The following ASIC2 variants were observed in gnomAD, a reference collection of about 807,000 sequenced individuals.
ASIC2 encodes the protein acid-sensing ion channel 2.
A neutral mutation model predicts 57.3 loss-of-function variants in ASIC2; 25 were observed. The observed-to-expected ratio is 0.44, with a 90% CI of 0.32 to 0.61. The LOEUF (loss-of-function observed/expected upper bound fraction) is 0.61. Among genes scored for constraint, ASIC2 ranks in the 20% least tolerant of loss-of-function variants. The pLI is 0.06. For synonymous variants in ASIC2, 319 were observed against 307.5 expected (o/e 1.04, Z -0.39); for missense variants, 641 against 738.1 (o/e 0.87, Z 1.52).
chr17:33,023,964 T>A lies in ASIC2; in HGVS notation c.1246A>T (p.Asn416Tyr). ...SNYCLCRTPC[N>Y]LTRYNKELSM... ...AGCTCTTTGTTGTAGCGGGTTAGGT[T>A]GCAGGGTGTCCTGCAGAGACAGTAA... Residue 416 changes from asparagine (N) to tyrosine (Y), a missense_variant, in exon 6 of 10, where the codon AAC (asparagine) becomes TAC (tyrosine). This residue lies in a region of ASIC2 where 252 missense variants were observed against 319.8 expected (regional missense o/e 0.79). Transcript: ENST00000225823. The A allele has an allele frequency of 6.2e-7, 1 of 1,614,256 alleles. No individual in the cohort carries two copies. Among genetic ancestry groups the A allele is most frequent in the Non-Finnish European group, 8.5e-7 (1 of 1,180,040 alleles).
intron 1 of ASIC2, chr17:33,827,968 T>G (rs992661972): frequency 2.6e-5 from 4 of 152,198 alleles, no homozygotes; most frequent in African/African-American, 9.7e-5. Context: ...AGTGAGATCA[T>G]GCAGTATTTG....
At chr17:33,976,937 G>T (rs561424920) in intron 1 of ASIC2, among the ~76,000 whole-genome samples, 1 of 152,064 alleles carries the variant, frequency 6.6e-6, no homozygotes, top group African/African-American at 2.4e-5. Flanking sequence ...TTTCCTGTGC[G>T]TCTGCTTGTC....
At position 34,138,696 on chromosome 17, in the gene ASIC2, T is replaced by C. The variant is rs192044801; in HGVS notation, c.555+17282A>G. Among the ~76,000 whole-genome samples the C allele has an allele frequency of 7.9e-5, 12 of 152,268 alleles. No individual in the cohort carries two copies. In the East Asian group the frequency reaches 1.7e-3, roughly 22 times the overall value. ...AGCAATAAAGAGTCCCACCATGGGATATCACGGGATCCAGAGGAGTCTAGT... is the reference window on the plus strand; with the variant it reads ...AGCAATAAAGAGTCCCACCATGGGACATCACGGGATCCAGAGGAGTCTAGT... On this transcript the variant is annotated intron_variant, in intron 1 of 9. Coordinates refer to the ASIC2 transcript ENST00000359872.
intron 1 of ASIC2, among the ~76,000 whole-genome samples, chr17:34,082,431 A>T (rs1909920437): frequency 6.6e-6 from 1 of 152,194 alleles, no homozygotes; most frequent in African/African-American, 2.4e-5. Context: ...AGTAAAATAA[A>T]AGTTACAAAG....
intron 1 of ASIC2, among the ~76,000 whole-genome samples, chr17:33,326,376 A>G (rs1404284585): frequency 6.6e-6 from 1 of 152,148 alleles, no homozygotes; most frequent in East Asian, 1.9e-4. Context: ...ACTATCCCTC[A>G]TTGTTATGTT....
intron 3 of ASIC2, among the ~76,000 whole-genome samples, chr17:33,036,281 C>A (rs2091908201): frequency 6.6e-6 from 1 of 152,072 alleles, no homozygotes; most frequent in Admixed American, 6.5e-5. Flanking sequence ...TGCAAGATCA[C>A]ATAGTGATCT....
At chr17:33,892,091 G>A (rs762992607) in intron 1 of ASIC2, among the ~76,000 whole-genome samples, 5 of 152,174 alleles carry the variant, frequency 3.3e-5, no homozygotes, top group Non-Finnish European at 7.3e-5. Flanking sequence ...ATTGTTCTAG[G>A]TGCCAGGACT....
intron 1 of ASIC2, among the ~76,000 whole-genome samples, chr17:33,491,094 C>T (rs569522978): frequency 1.3e-4 from 20 of 152,308 alleles, no homozygotes; most frequent in African/African-American, 4.6e-4. Context: ...GCACCTACTT[C>T]CATTCCTCCT....
At chr17:33,627,497 C>A (rs1315319777) in intron 1 of ASIC2, among the ~76,000 whole-genome samples, 1 of 152,218 alleles carries the variant, frequency 6.6e-6, no homozygotes, top group Non-Finnish European at 1.5e-5. Context: ...CTCCCTCCTG[C>A]TGCTGCTCCT....
chr17:33,501,186 G>A (rs1914091431), intron 1 of ASIC2, among the ~76,000 whole-genome samples: 1 of 152,196 alleles, frequency 6.6e-6, no homozygotes, highest in Non-Finnish European at 1.5e-5. Flanking sequence ...TGCTGTTAAT[G>A]GACACGTGAT....
intron 1 of ASIC2, among the ~76,000 whole-genome samples, chr17:33,156,481 G>A (rs546875561): frequency 3.3e-5 from 5 of 152,166 alleles, no homozygotes; most frequent in East Asian, 1.9e-4. Context: ...ATGCTGGCTC[G>A]GTGTGGTGGC....
chr17:33,356,086 A>G (rs1222783412), intron 1 of ASIC2, among the ~76,000 whole-genome samples: 1 of 152,174 alleles, frequency 6.6e-6, no homozygotes, highest in Non-Finnish European at 1.5e-5. Flanking sequence ...AGTCAGAGAA[A>G]CAGCATGTGT....
At chr17:33,926,266 C>A (rs953361953) in intron 1 of ASIC2, among the ~76,000 whole-genome samples, 1 of 152,072 alleles carries the variant, frequency 6.6e-6, no homozygotes, top group Non-Finnish European at 1.5e-5. Flanking sequence ...TCACTTAATC[C>A]TCACAAAAAC....
intron 3 of ASIC2, among the ~76,000 whole-genome samples, chr17:33,047,255 C>T (rs1257055660): frequency 6.6e-6 from 1 of 152,178 alleles, no homozygotes; most frequent in Non-Finnish European, 1.5e-5. Context: ...AATTCCCTGT[C>T]CTCATCCCTA....
intron 1 of ASIC2, among the ~76,000 whole-genome samples, chr17:33,806,502 A>G (rs1229287648): frequency 5.3e-5 from 8 of 152,212 alleles, no homozygotes; most frequent in Non-Finnish European, 1.2e-4. Flanking sequence ...GTTCCTGAAA[A>G]CAGCATGAGC....
chr17:33,668,883 G>C (rs8077861), intron 1 of ASIC2, among the ~76,000 whole-genome samples: 2 of 152,100 alleles, frequency 1.3e-5, no homozygotes. Context: ...TAAATTCCTC[G>C]TACCCTTCCA....
chr17:33,980,577 G>A lies in ASIC2; in HGVS notation c.555+175401C>T, dbSNP rs867367719. ...GTAGGTTGAGGCAACAGGTTGTGGT[G>A]GATGCTGTGATGTGCTTCCCAGGTC... On this transcript the variant is annotated intron_variant, in intron 1 of 9. Transcript: ENST00000359872. Among the ~76,000 whole-genome samples, 15 of 152,268 alleles carry A rather than the reference G, an allele frequency of 9.9e-5. No homozygotes were observed. In the Middle Eastern group the frequency reaches 0.01, roughly 104 times the overall value.
chr17:33,613,974 G>T (rs998719779), intron 1 of ASIC2, among the ~76,000 whole-genome samples: 10 of 152,160 alleles, frequency 6.6e-5, no homozygotes, highest in Non-Finnish European at 1.5e-4. Flanking sequence ...TACAGAGCAG[G>T]TTGCTAGCAG....
intron 1 of ASIC2, among the ~76,000 whole-genome samples, chr17:33,378,461 G>A (rs1909359892): frequency 6.6e-6 from 1 of 152,134 alleles, no homozygotes; most frequent in African/African-American, 2.4e-5. Context: ...GCCCAGGGAA[G>A]TGGGCTGTCC....
Sources: allele counts gnomAD v4.1 joint callset (sites outside exome capture counted in the v4.1 genomes callset), GRCh38; gene constraint gnomAD v4.1.1; regional missense constraint gnomAD v4.1.1; transcripts MANE v1.5; gene names NCBI Gene and HGNC (gene_info 2026-07-23, HGNC 2026-07-21).